NTNG1: variants seen among roughly 807,000 people sequenced by gnomAD.
NTNG1 encodes netrin G1.
In NTNG1, 16 loss-of-function variants were observed where a neutral mutation model predicts 54.0. The observed-to-expected ratio is 0.30, with a 90% CI of 0.20 to 0.45. NTNG1 has a LOEUF of 0.45. Ranked by LOEUF, NTNG1 falls within the 20% of genes least tolerant of loss-of-function variation. NTNG1 has a pLI of 1.00. For synonymous variants in NTNG1, 255 were observed against 263.1 expected, an observed-to-expected ratio of 0.97 and a Z score of 0.30; for missense variants, 530 against 678.7, an observed-to-expected ratio of 0.78 and a Z score of 2.43.
intron 3 of NTNG1, among the ~76,000 whole-genome samples, chr1:107,360,202 A>G (rs1670180873): frequency 6.6e-6 from 1 of 152,176 alleles, no homozygotes; most frequent in African/African-American, 2.4e-5. Context: ...ACTGAACTTG[A>G]CACACCAAAA....
intron 2 of NTNG1, among the ~76,000 whole-genome samples, chr1:107,315,258 C>T (rs1171415418): frequency 1.3e-5 from 2 of 152,246 alleles, no homozygotes; most frequent in Non-Finnish European, 2.9e-5. Flanking sequence ...ATTTCCACTC[C>T]TCGCACCCCG....
intron 7 of NTNG1, among the ~76,000 whole-genome samples, chr1:107,447,754 T>C (rs946226487): frequency 6.6e-6 from 1 of 152,072 alleles, no homozygotes; most frequent in Non-Finnish European, 1.5e-5. Context: ...TACAGAAAAC[T>C]ATGCCTTCGT....
intron 2 of NTNG1, among the ~76,000 whole-genome samples, chr1:107,266,245 G>A (rs577868165): frequency 2.1e-4 from 32 of 152,212 alleles, no homozygotes; most frequent in Non-Finnish European, 4.3e-4. Flanking sequence ...CTGGACACCC[G>A]TATTAGTCCA....
intron 3 of NTNG1, among the ~76,000 whole-genome samples, chr1:107,384,254 G>A (rs911136783): frequency 1.3e-5 from 2 of 152,168 alleles, no homozygotes; most frequent in African/African-American, 4.8e-5. Flanking sequence ...AATAGAACCA[G>A]CAGTTTACTG....
intron 2 of NTNG1, among the ~76,000 whole-genome samples, chr1:107,151,597 G>T (rs989427874): frequency 1.2e-4 from 18 of 152,144 alleles, no homozygotes; most frequent in Non-Finnish European, 1.8e-4. Context: ...GGCTATAGCT[G>T]TTCTGAGCAT....
intron 2 of NTNG1, among the ~76,000 whole-genome samples, chr1:107,225,603 A>C (rs1162636922): frequency 6.6e-6 from 1 of 152,142 alleles, no homozygotes; most frequent in Non-Finnish European, 1.5e-5. Flanking sequence ...TGTGGAAACT[A>C]ATATAGATGC....
chr1:107,371,171 T>TG (rs1670899784), intron 3 of NTNG1, among the ~76,000 whole-genome samples: 2 of 152,180 alleles, frequency 1.3e-5, no homozygotes, highest in African/African-American at 4.8e-5. Context: ...TTATCAGAAA[T>TG]GGATGTTGAG....
chr1:107,143,788 T>C (rs1202083129), intron 1 of NTNG1, among the ~76,000 whole-genome samples: 1 of 152,146 alleles, frequency 6.6e-6, no homozygotes, highest in Non-Finnish European at 1.5e-5. Context: ...TTTCATGTGG[T>C]AATTAAATTC....
At chr1:107,460,617 C>T (rs1343002315) in intron 7 of NTNG1, among the ~76,000 whole-genome samples, 5 of 151,996 alleles carry the variant, frequency 3.3e-5, no homozygotes, top group African/African-American at 1.2e-4. Flanking sequence ...TCGATAGCTT[C>T]TTTTTTTTGA....
chr1:107,206,295 A>G (rs965028158), intron 2 of NTNG1, among the ~76,000 whole-genome samples: 3 of 152,112 alleles, frequency 2.0e-5, no homozygotes, highest in African/African-American at 7.2e-5. Flanking sequence ...ATCCTCATGA[A>G]CATTTGATAT....
intron 3 of NTNG1, among the ~76,000 whole-genome samples, chr1:107,392,525 AG>A (rs1365965805): frequency 6.6e-6 from 1 of 152,050 alleles, no homozygotes; most frequent in Admixed American, 6.6e-5. Flanking sequence ...GGAGAGTGTC[AG>A]GGGAGAGGGA....
chr1:107,311,518 G>T (rs1030116153), intron 2 of NTNG1, among the ~76,000 whole-genome samples: 2 of 152,078 alleles, frequency 1.3e-5, no homozygotes, highest in African/African-American at 4.8e-5. Flanking sequence ...TGTACTTGGA[G>T]TTGGACTTTT....
At chr1:107,230,664 A>T (rs1012915564) in intron 2 of NTNG1, among the ~76,000 whole-genome samples, 1 of 152,186 alleles carries the variant, frequency 6.6e-6, no homozygotes, top group Admixed American at 6.6e-5. Flanking sequence ...TGGGAATATT[A>T]ATAACAAAAT....
In NTNG1 at chr1:107,158,694, G is replaced by A. The variant is rs542384608; in HGVS notation, c.246+9855G>A. 3.3e-5 allele frequency among the ~76,000 whole-genome samples: 5 copies of A among 152,194 alleles called. No individual in the cohort carries two copies. The East Asian group carries it at 7.7e-4, about 24-fold the overall frequency. On this transcript the variant is annotated intron_variant, in intron 2 of 7. Transcript: ENST00000370068. Reference sequence around the variant, plus strand: ...TCCAGACAATTTCTAAGCGTGGTCTGGAAACTTGTCTTGTGTTTCAGCAAT... The same window carrying A: ...TCCAGACAATTTCTAAGCGTGGTCTAGAAACTTGTCTTGTGTTTCAGCAAT...
intron 3 of NTNG1, among the ~76,000 whole-genome samples, chr1:107,351,625 G>A (rs1393490632): frequency 1.3e-5 from 2 of 152,060 alleles, no homozygotes; most frequent in African/African-American, 4.8e-5. Context: ...TGAGATTTGG[G>A]CAGGGACACA....
chr1:107,264,963 A>G (rs760157741), intron 2 of NTNG1, among the ~76,000 whole-genome samples: 5 of 152,160 alleles, frequency 3.3e-5, no homozygotes, highest in Non-Finnish European at 5.9e-5. Context: ...GGCCTCTCTC[A>G]CCTGCTGTTG....
intron 2 of NTNG1, among the ~76,000 whole-genome samples, chr1:107,154,526 G>T (rs1279151878): frequency 3.4e-5 from 5 of 147,504 alleles, no homozygotes; most frequent in African/African-American, 1.0e-4. Context: ...AGCCCAGGAG[G>T]TCAAGGCTGC....
intron 2 of NTNG1, among the ~76,000 whole-genome samples, chr1:107,278,123 G>T (rs1047312283): frequency 2.6e-5 from 4 of 152,104 alleles, no homozygotes; most frequent in African/African-American, 9.7e-5. Flanking sequence ...GCTTCATCTT[G>T]TTGAAAAAGG....
chr1:107,212,949 A>G (rs1325199291), intron 2 of NTNG1, among the ~76,000 whole-genome samples: 8 of 152,028 alleles, frequency 5.3e-5, no homozygotes, highest in Non-Finnish European at 1.0e-4. Flanking sequence ...CTCACTGGGA[A>G]CATCCCAGGG....
Sources: gnomAD v4.1 joint callset for allele counts (sites outside exome capture counted in the v4.1 genomes callset) on GRCh38, gnomAD v4.1.1 for gene constraint, MANE v1.5 for transcripts, NCBI Gene and HGNC (gene_info 2026-07-23, HGNC 2026-07-21) for gene names.